The following ARIH1 variants were observed in gnomAD, a reference collection of about 807,000 sequenced individuals.
The protein encoded by ARIH1 is E3 ubiquitin-protein ligase ARIH1.
In ARIH1, 8 loss-of-function variants were observed where a neutral mutation model predicts 85.0. The ratio of observed to expected loss-of-function variants is 0.09; its 90% CI spans 0.06 to 0.17. ARIH1 has a LOEUF of 0.17. ARIH1 is among the 10% of genes least tolerant of loss of function. The probability of loss-of-function intolerance (pLI) is 1.00; values close to 1 mark genes in which losing one functional copy is unlikely to be tolerated. For synonymous variants in ARIH1, 238 were observed against 253.6 expected (o/e 0.94, Z 0.59); for missense variants, 311 against 718.1 (o/e 0.43, Z 6.48).
intron 9 of ARIH1, among the ~76,000 whole-genome samples, chr15:72,568,456 A>C (rs1240738570): frequency 1.3e-5 from 2 of 152,188 alleles, no homozygotes; most frequent in African/African-American, 2.4e-5. Flanking sequence ...TAAGCCCCAA[A>C]GATGTTTAAA....
At chr15:72,523,450 G>A (rs1279039675) in intron 2 of ARIH1, among the ~76,000 whole-genome samples, 2 of 151,396 alleles carry the variant, frequency 1.3e-5, no homozygotes, top group African/African-American at 4.8e-5. Flanking sequence ...AAACTATGAA[G>A]ACAATGAAAA....
At chr15:72,566,445 C>G in intron 7 of ARIH1, 118 bp from the exon 8 acceptor site, 1 of 821,730 alleles carries the variant, frequency 1.2e-6, no homozygotes, top group East Asian at 2.5e-5. Flanking sequence ...CTTGTATTTG[C>G]CAGTCACTAG....
chr15:72,555,093 C>T (rs549978259), intron 3 of ARIH1, among the ~76,000 whole-genome samples, 178 bp from the exon 4 acceptor site: 10 of 152,106 alleles, frequency 6.6e-5, no homozygotes, highest in Admixed American at 2.0e-4. Context: ...TATGTGTGTT[C>T]GGTGTATCTG....
intron 2 of ARIH1, among the ~76,000 whole-genome samples, chr15:72,529,479 C>A (rs2064046069): frequency 6.6e-6 from 1 of 152,200 alleles, no homozygotes; most frequent in South Asian, 2.1e-4. Flanking sequence ...GTCCTCCTCT[C>A]TTGGCCTGAG....
Position 72,550,914 on chromosome 15 carries a change from C to T in ARIH1, c.589-4357C>T, listed in dbSNP as rs141184745. On this transcript the variant is annotated intron_variant, in intron 3 of 13. Coordinates refer to ENST00000379887, the MANE Select transcript of ARIH1 (RefSeq NM_005744.5). ...CTTGAACTCCCGACCTCAGGTGATC[C>T]GCCTGCCTCAGCCTCCCAAAGTGCT... Among the ~76,000 whole-genome samples the T allele has an allele frequency of 4.3e-3, 658 of 152,212 alleles. 6 individuals carry two copies. Among genetic ancestry groups the T allele is most frequent in the African/African-American group, 0.015 (633 of 41,510 alleles).
intron 7 of ARIH1, among the ~76,000 whole-genome samples, chr15:72,564,814 A>T (rs2064212258): frequency 1.3e-5 from 2 of 152,054 alleles, no homozygotes; most frequent in Non-Finnish European, 2.9e-5. Flanking sequence ...CTGGGTCCTC[A>T]TATGGTGGAA....
rs1023669857 is a variant in ARIH1, at chr15:72,510,911, T to C, written c.376-7156T>C. On this transcript the variant is annotated intron_variant, in intron 1 of 13. Coordinates refer to ENST00000379887, the MANE Select transcript of ARIH1 (RefSeq NM_005744.5). ...AGTACTGTAACTTCATAGTTATGTT[T>C]TGAAATCAGGTGTTCTGTTTTAAAA... is the stretch of plus-strand genomic sequence containing the variant. 2.2e-4 allele frequency among the ~76,000 whole-genome samples: 33 copies of C among 152,144 alleles called. 2 individuals are homozygous for C. The highest frequency in any genetic ancestry group is 1.5e-5 in the Non-Finnish European group (1 of 68,024).
chr15:72,530,819 C>G (rs2064053211), intron 2 of ARIH1, among the ~76,000 whole-genome samples: 1 of 152,062 alleles, frequency 6.6e-6, no homozygotes, highest in Admixed American at 6.5e-5. Context: ...ATTTGAAAAT[C>G]AAACAATGAT....
chr15:72,517,396 C>T (rs2063979965), intron 1 of ARIH1, among the ~76,000 whole-genome samples: 1 of 152,050 alleles, frequency 6.6e-6, no homozygotes, highest in Non-Finnish European at 1.5e-5. Context: ...GCGATCGTGC[C>T]TGAGTGTTGG....
chr15:72,582,240 C>T lies in ARIH1; in HGVS notation c.1589+53C>T. ...AACTTTCTGCCAGTGATGATCCTTA[C>T]TGGTAAAGTTCAGTGATAGTGAAAC... On this transcript the variant is annotated intron_variant, in intron 13 of 13. Transcript: ENST00000379887. This position sits in a 1 kb window ranked among gnomAD's most constrained non-coding sequence, Gnocchi z 4.6. 1 of 1,271,292 alleles carries T rather than the reference C, an allele frequency of 7.9e-7. No individual in the cohort carries two copies. The highest frequency in any genetic ancestry group is 1.9e-4 in the Middle Eastern group (1 of 5,310). 78.8% of individuals were successfully genotyped at this position (1,271,292 alleles called of 1,614,324 possible). A position where few individuals can be genotyped will look rare whatever the true frequency, so the allele number is the denominator to read the frequency against.
rs2064330891 is a variant in ARIH1, at chr15:72,589,273, T to A, written c.*5981T>A. The stretch of plus-strand genomic sequence containing the variant: ...GCCATGCTTGTCTGATTCCATATGT[T>A]CATTCTATTATGCTGCTGTTGTCTG... On this transcript the variant is annotated 3_prime_UTR_variant, in exon 14 of 14. Coordinates refer to ENST00000379887, the MANE Select transcript of ARIH1 (RefSeq NM_005744.5). The A allele has an allele frequency of 6.6e-6, 1 of 152,216 alleles. No homozygotes were observed. Among genetic ancestry groups the A allele is most frequent in the Non-Finnish European group, 1.5e-5 (1 of 68,046 alleles). The allele number at this position is 152,216 out of a possible 1,614,324, so 9.4% of individuals were successfully genotyped here.
At position 72,556,017 on chromosome 15, in the gene ARIH1, C is replaced by T. The variant is rs148384745; in HGVS notation, c.737+110C>T. The stretch of plus-strand genomic sequence containing the variant: ...TGAAACTTTTTAAAGTCTGAAGAAA[C>T]TTTTTAATCTGCGTTCCTTAGTAGT... On this transcript the variant is annotated intron_variant, in intron 5 of 13. Transcript: ENST00000379887. The T allele has an allele frequency of 1.7e-5, 15 of 900,064 alleles. No homozygotes were observed. In the African/African-American group the frequency reaches 2.4e-4, roughly 14 times the overall value. 55.8% of individuals were successfully genotyped at this position (900,064 alleles called of 1,614,324 possible).
intron 1 of ARIH1, among the ~76,000 whole-genome samples, chr15:72,505,895 C>G (rs915027514): frequency 6.6e-6 from 1 of 152,044 alleles, no homozygotes. Flanking sequence ...GCCACCATAG[C>G]GGGTAATTTT....
At chr15:72,521,211 C>T (rs1437038797) in intron 2 of ARIH1, among the ~76,000 whole-genome samples, 1 of 125,870 alleles carries the variant, frequency 7.9e-6, no homozygotes, top group East Asian at 2.5e-4. Flanking sequence ...CCCCCCCCCC[C>T]CCTTTTCTGG....
intron 1 of ARIH1, among the ~76,000 whole-genome samples, chr15:72,496,565 C>G (rs1184301700): frequency 6.6e-6 from 1 of 152,196 alleles, no homozygotes; most frequent in East Asian, 1.9e-4. Context: ...ATTAAAAATA[C>G]TGATTTATTT....
At position 72,586,112 on chromosome 15, in the gene ARIH1, ATCTGTAATTT is replaced by A. The variant is rs2064315607; in HGVS notation, c.*2823_*2832del. On this transcript the variant is annotated 3_prime_UTR_variant, in exon 14 of 14. Coordinates refer to ENST00000379887, the MANE Select transcript of ARIH1 (RefSeq NM_005744.5). ...GTAGCATATAATATCAGACTAAATT[ATCTGTAATTT>A]TCCACAACCCAGATTGTATGTGTTT... 6.6e-6 allele frequency: 1 copy of A among 152,236 alleles called. No individual in the cohort carries two copies. Among genetic ancestry groups the A allele is most frequent in the African/African-American group, 2.4e-5 (1 of 41,474 alleles). The allele number at this position is 152,236 out of a possible 1,614,324, so 9.4% of individuals were successfully genotyped here. A position where few individuals can be genotyped will look rare whatever the true frequency, so the allele number is the denominator to read the frequency against.
intron 3 of ARIH1, among the ~76,000 whole-genome samples, chr15:72,552,271 A>T (rs951216085): frequency 2.6e-5 from 4 of 152,234 alleles, no homozygotes; most frequent in African/African-American, 9.6e-5. Context: ...GTGTGGTACC[A>T]TATGAGAAAT....
chr15:72,594,702 C>G lies in ARIH1; in HGVS notation c.*11410C>G, dbSNP rs1032908698. On this transcript the variant is annotated 3_prime_UTR_variant, in exon 14 of 14. Transcript: ENST00000379887. ...TGCCACCTTGCTAAATTCATTTATT[C>G]TAGAAATAGTTCTTGTAGACTCCGT... 5.3e-5 allele frequency: 8 copies of G among 150,714 alleles called. No homozygotes were observed. The highest frequency in any genetic ancestry group is 1.2e-4 in the Non-Finnish European group (8 of 67,858). The allele number at this position is 150,714 out of a possible 1,614,324, so 9.3% of individuals were successfully genotyped here. A position where few individuals can be genotyped will look rare whatever the true frequency, so the allele number is the denominator to read the frequency against.
At chr15:72,503,217 T>C (rs917613944) in intron 1 of ARIH1, among the ~76,000 whole-genome samples, 5 of 152,220 alleles carry the variant, frequency 3.3e-5, no homozygotes, top group African/African-American at 1.2e-4. Flanking sequence ...TTCTTCGTTT[T>C]TGTGGTCTGG....
Sources: gnomAD v4.1 joint callset for allele counts (sites outside exome capture counted in the v4.1 genomes callset) on GRCh38, gnomAD v4.1.1 for gene constraint, Gnocchi (gnomAD v3.1) non-coding constraint, MANE v1.5 for transcripts, NCBI Gene and HGNC (gene_info 2026-07-23, HGNC 2026-07-21) for gene names.